Variants in POLR3B observed in about 807,000 individuals in gnomAD.
The protein encoded by POLR3B is RNA polymerase III subunit B.
Under a neutral mutation model 147.4 loss-of-function variants are expected in POLR3B, and 96 were observed. That is an observed-to-expected ratio of 0.65 (90% CI 0.55 to 0.77). The LOEUF is 0.77. Among genes scored for constraint, POLR3B ranks in the 30% least tolerant of loss-of-function variants. The pLI is 0.00. For synonymous variants in POLR3B, 461 were observed against 485.9 expected (o/e 0.95, Z 0.67); for missense variants, 1,036 against 1,413.5 (o/e 0.73, Z 4.28).
chr12:106,457,565 G>A (rs1356748693), intron 21 of POLR3B, among the ~76,000 whole-genome samples: 4 of 152,168 alleles, frequency 2.6e-5, no homozygotes, highest in Non-Finnish European at 5.9e-5. Context: ...GAAATATTTA[G>A]AGTAGTTTAT....
At chr12:106,405,577 CACAA>C (rs1593022866) in intron 10 of POLR3B, among the ~76,000 whole-genome samples, 1 of 144,986 alleles carries the variant, frequency 6.9e-6, no homozygotes, top group East Asian at 1.9e-4. Context: ...CACACACACA[CACAA>C]ATATATTTTA....
intron 6 of POLR3B, among the ~76,000 whole-genome samples, 162 bp downstream of exon 6, chr12:106,369,845 G>A (rs1193464846): frequency 6.6e-6 from 1 of 152,140 alleles, no homozygotes; most frequent in Non-Finnish European, 1.5e-5. Context: ...ACATAGTCGT[G>A]GTTGTTACTA....
chr12:106,420,628 G>A (rs569029521), intron 12 of POLR3B, among the ~76,000 whole-genome samples: 3 of 152,124 alleles, frequency 2.0e-5, no homozygotes, highest in Non-Finnish European at 4.4e-5. Context: ...CGTCTGATAG[G>A]ACCTACTCTA....
At chr12:106,469,855 C>T (rs143715350) in intron 23 of POLR3B, among the ~76,000 whole-genome samples, 1,952 of 152,188 alleles carry the variant, frequency 0.013, 17 homozygotes, top group Non-Finnish European at 0.017. Flanking sequence ...GTGGGTAACC[C>T]GAGCTTTCTC....
chr12:106,441,078 T>C (rs1652003091), intron 18 of POLR3B, among the ~76,000 whole-genome samples: 2 of 152,208 alleles, frequency 1.3e-5, no homozygotes, highest in Admixed American at 6.5e-5. Context: ...TAATTTCTTA[T>C]GTACTATTCT....
At chr12:106,432,691 A>G (rs1041432976) in intron 15 of POLR3B, among the ~76,000 whole-genome samples, 1 of 152,214 alleles carries the variant, frequency 6.6e-6, no homozygotes, top group African/African-American at 2.4e-5. Flanking sequence ...TATCAGAGCT[A>G]AAGGGTAACT....
chr12:106,454,786 C>A, intron 20 of POLR3B, 75 bp downstream of exon 20: 1 of 825,380 alleles, frequency 1.2e-6, no homozygotes, highest in South Asian at 1.4e-5. Flanking sequence ...ATGTAAAAAT[C>A]ACTTGGTTAA....
At chr12:106,398,583 C>G (rs1009266311) in intron 10 of POLR3B, among the ~76,000 whole-genome samples, 6 of 152,192 alleles carry the variant, frequency 3.9e-5, no homozygotes, top group Non-Finnish European at 8.8e-5. Flanking sequence ...AGGCACCCCC[C>G]AGTAGGGGCG....
At chr12:106,441,266 TTAA>T (rs2037647749) in intron 18 of POLR3B, among the ~76,000 whole-genome samples, 3 of 152,226 alleles carry the variant, frequency 2.0e-5, no homozygotes, top group Admixed American at 2.0e-4. Context: ...CTTATGTCAC[TTAA>T]TGATGGGGAT....
At chr12:106,383,296 A>G (rs1459964816) in intron 9 of POLR3B, among the ~76,000 whole-genome samples, 1 of 152,110 alleles carries the variant, frequency 6.6e-6, no homozygotes, top group African/African-American at 2.4e-5. Flanking sequence ...CTTATCATGT[A>G]TATGTTCACT....
At chr12:106,369,811 A>G in intron 6 of POLR3B, 128 bp downstream of exon 6, 1 of 703,184 alleles carries the variant, frequency 1.4e-6, no homozygotes, top group Non-Finnish European at 2.6e-6. Flanking sequence ...CAGCATGTGT[A>G]AAGCACTTAG....
chr12:106,496,909 G>A lies in POLR3B; in HGVS notation c.2975G>A (p.Gly992Asp). The change falls in exon 25 of 28, where the codon GGC becomes GAC. Residue 992 changes from glycine to aspartate, a missense_variant. By Grantham distance (94) the Gly-to-Asp change is moderately conservative (BLOSUM62 -1). Around this residue, in one of 12 missense-constraint regions of POLR3B, gnomAD observed 88 missense variants for 87.5 expected, o/e 1.01. Coordinates refer to ENST00000228347, the MANE Select transcript of POLR3B (RefSeq NM_018082.6). ...TTGGGGAAAGACTATGTTACATCCG[G>A]CATCACAGGGTAAGCATGCGATTGA... ...NYLGKDYVTS[G>D]ITGEPLEAYI... 6.2e-7 allele frequency: 1 copy of A among 1,613,796 alleles called. No homozygotes were observed. Among genetic ancestry groups the A allele is most frequent in the Non-Finnish European group, 8.5e-7 (1 of 1,179,866 alleles).
intron 10 of POLR3B, among the ~76,000 whole-genome samples, chr12:106,403,116 A>G (rs1338558957): frequency 3.3e-3 from 464 of 142,766 alleles, no homozygotes; most frequent in Admixed American, 7.4e-3. Context: ...TTTACAAGAA[A>G]AAAACAAACA....
intron 1 of POLR3B, among the ~76,000 whole-genome samples, chr12:106,363,537 CAG>C (rs1234351673): frequency 1.3e-5 from 2 of 152,234 alleles, no homozygotes; most frequent in Non-Finnish European, 2.9e-5. Context: ...GCTCTCCCAC[CAG>C]ACTCTCTGAG....
chr12:106,494,003 A>G (rs2038440683), intron 23 of POLR3B, among the ~76,000 whole-genome samples: 1 of 152,174 alleles, frequency 6.6e-6, no homozygotes, highest in South Asian at 2.1e-4. Context: ...AAAAAATCCG[A>G]AAGCTGCTTA....
At chr12:106,398,564 C>T (rs936424478) in intron 10 of POLR3B, among the ~76,000 whole-genome samples, 2 of 152,204 alleles carry the variant, frequency 1.3e-5, no homozygotes, top group African/African-American at 2.4e-5. Context: ...CCCGAATAGC[C>T]TAACTGGGAG....
intron 14 of POLR3B, among the ~76,000 whole-genome samples, chr12:106,430,729 G>A (rs547896485): frequency 7.4e-4 from 113 of 152,192 alleles, no homozygotes; most frequent in Middle Eastern, 3.4e-3. Context: ...TATTATTTTA[G>A]TTTATCCCAA....
At chr12:106,461,530 C>T (rs1202435357) in intron 22 of POLR3B, among the ~76,000 whole-genome samples, 1 of 152,166 alleles carries the variant, frequency 6.6e-6, no homozygotes, top group African/African-American at 2.4e-5. Context: ...AAAAGCAAAA[C>T]CCATGTATAG....
Position 106,437,722 on chromosome 12 carries a change from T to A in POLR3B, c.1898T>A (p.Leu633Ter). The A allele has an allele frequency of 6.2e-7, 1 of 1,605,422 alleles. No homozygotes were observed. Among genetic ancestry groups the A allele is most frequent in the Non-Finnish European group, 8.5e-7 (1 of 1,172,224 alleles). ...DFLHESLVEYLDVNEENDCNI... is the reference protein window; with the variant it reads ...DFLHESLVEY ...TTACATGAGAGTCTGGTTGAATATT[T>A]AGATGTGAATGAAGAAAATGATTGT... The change falls in exon 18 of 28, where the codon TTA becomes TAA. Residue 633 changes from leucine to a stop codon, truncating the protein, a stop_gained. Coordinates refer to ENST00000228347, the MANE Select transcript of POLR3B (RefSeq NM_018082.6). LOFTEE classifies it high-confidence loss of function.
Sources: gnomAD v4.1 joint callset for allele counts (sites outside exome capture counted in the v4.1 genomes callset) on GRCh38, gnomAD v4.1.1 for gene constraint, gnomAD v4.1.1 regional missense constraint, MANE v1.5 for transcripts, NCBI Gene and HGNC (gene_info 2026-07-23, HGNC 2026-07-21) for gene names.